RELT: variants seen among roughly 807,000 people sequenced by gnomAD.
The protein encoded by RELT is tumor necrosis factor receptor superfamily member 19L.
Under a neutral mutation model 51.1 loss-of-function variants are expected in RELT, and 37 were observed. The observed-to-expected ratio is 0.72, with a 90% CI of 0.56 to 0.95. The LOEUF (loss-of-function observed/expected upper bound fraction) is 0.95. Among genes scored for constraint, RELT ranks in the 40% least tolerant of loss-of-function variants. The probability of loss-of-function intolerance (pLI) is 0.00; values close to 1 mark genes in which losing one functional copy is unlikely to be tolerated. For missense variants in RELT, 535 were observed against 572.6 expected (o/e 0.93, Z 0.67); for synonymous variants, 241 against 235.7 (o/e 1.02, Z -0.21).
intron 1 of RELT, among the ~76,000 whole-genome samples, chr11:73,377,631 C>G (rs1187178135): frequency 1.3e-5 from 2 of 151,964 alleles, no homozygotes; most frequent in East Asian, 3.9e-4. Context: ...AAAGTTCTGC[C>G]CCTGTGTAAT....
At chr11:73,390,254 C>G (rs1866188867) in intron 2 of RELT, among the ~76,000 whole-genome samples, 1 of 152,150 alleles carries the variant, frequency 6.6e-6, no homozygotes, top group Admixed American at 6.5e-5. Context: ...CCTCATCGTT[C>G]TGGTTAGCTG....
In RELT at chr11:73,395,501, T is replaced by C. The variant is rs1156650972; in HGVS notation, c.*10T>C. On this transcript the variant is annotated 3_prime_UTR_variant, in exon 11 of 11. Coordinates refer to ENST00000064780, the MANE Select transcript of RELT (RefSeq NM_152222.2). ...CAACCTGGTCATCTGAGGGGCGGTC[T>C]AGTCTAAGGACACTGCGGCCCTGCC... 1.3e-6 allele frequency: 1 copy of C among 786,440 alleles called. No individual in the cohort carries two copies. Among genetic ancestry groups the C allele is most frequent in the Non-Finnish European group, 2.4e-6 (1 of 423,148 alleles). 48.7% of individuals were successfully genotyped at this position (786,440 alleles called of 1,614,324 possible). A position where few individuals can be genotyped will look rare whatever the true frequency, so the allele number is the denominator to read the frequency against.
intron 5 of RELT, 65 bp from the exon 6 acceptor site, chr11:73,392,146 G>A: frequency 1.9e-6 from 3 of 1,553,062 alleles, no homozygotes; most frequent in South Asian, 1.2e-5. Context: ...CGGGCCCTGG[G>A]CCCCTGTCTC....
In RELT at chr11:73,394,435, C is replaced by A; in HGVS notation, c.789-42C>A. 2 of 1,607,776 alleles carry A rather than the reference C, an allele frequency of 1.2e-6. No individual in the cohort carries two copies. The highest frequency in any genetic ancestry group is 1.7e-6 in the Non-Finnish European group (2 of 1,175,596). ...CTGTTCCCTGCTGGGGTCTCCTGCC[C>A]CTGGCCTGGCCTATGGCCACTTCTG... On this transcript the variant is annotated intron_variant, in intron 8 of 10. Transcript: ENST00000064780. The surrounding 1 kb of genome is among the most constrained non-coding windows in gnomAD (Gnocchi z 4.9).
intron 1 of RELT, among the ~76,000 whole-genome samples, chr11:73,385,544 G>A (rs757761713): frequency 6.6e-6 from 1 of 152,196 alleles, no homozygotes; most frequent in East Asian, 1.9e-4. Context: ...CTTCAGACAT[G>A]GGGCTGGGTG....
intron 1 of RELT, among the ~76,000 whole-genome samples, chr11:73,379,855 C>T (rs1038645024): frequency 3.3e-5 from 5 of 152,230 alleles, no homozygotes; most frequent in South Asian, 2.1e-4. Context: ...GTTCAAACTC[C>T]TCACCTGGCA....
chr11:73,386,090 C>T (rs1169253055), intron 1 of RELT, among the ~76,000 whole-genome samples: 3 of 152,332 alleles, frequency 2.0e-5, no homozygotes, highest in East Asian at 3.9e-4. Flanking sequence ...ATGAACGTCC[C>T]CATCTCTGTA....
rs1321085029 is a variant in RELT, at chr11:73,392,389, G to A, written c.546G>A (p.Val182=). The A allele has an allele frequency of 6.2e-7, 1 of 1,613,820 alleles. No homozygotes were observed. Among genetic ancestry groups the A allele is most frequent in the Admixed American group, 1.7e-5 (1 of 60,024 alleles). ...TCATGGGGCTGTTGGGCATCCTGGT[G>A]TGCAACCTCCTCAAGCGGAAGGGCT... ...FCLMGLLGIL[V]CNLLKRKGYH... Residue 182 remains valine, a synonymous_variant, in exon 6 of 11, where the codon GTG becomes GTA. Coordinates refer to ENST00000064780, the MANE Select transcript of RELT (RefSeq NM_152222.2).
chr11:73,386,355 A>G (rs2134444914), intron 1 of RELT, among the ~76,000 whole-genome samples: 1 of 152,354 alleles, frequency 6.6e-6, no homozygotes, highest in South Asian at 2.1e-4. Context: ...ACCTTCAGAT[A>G]TCCCCTCCCA....
intron 6 of RELT, chr11:73,393,567 C>A: frequency 7.0e-7 from 1 of 1,423,966 alleles, no homozygotes; most frequent in Non-Finnish European, 9.3e-7. Context: ...CTCGCCCGCC[C>A]AATTCAATGA....
chr11:73,382,415 G>T (rs1866064190), intron 1 of RELT, among the ~76,000 whole-genome samples: 1 of 152,236 alleles, frequency 6.6e-6, no homozygotes, highest in Non-Finnish European at 1.5e-5. Flanking sequence ...GGTGGCAAAG[G>T]TGGCTTCTTG....
chr11:73,384,255 A>C (rs1180825544), intron 1 of RELT: 1 of 152,344 alleles, frequency 6.6e-6, no homozygotes, highest in Non-Finnish European at 1.5e-5. Flanking sequence ...TTTGGCAGGC[A>C]GCTGAGCCTT....
At chr11:73,383,021 C>T (rs777785024) in intron 1 of RELT, among the ~76,000 whole-genome samples, 1 of 152,230 alleles carries the variant, frequency 6.6e-6, no homozygotes, top group Admixed American at 6.5e-5. Context: ...CACTGAAACC[C>T]AGGCCTGGTG....
intron 1 of RELT, among the ~76,000 whole-genome samples, chr11:73,385,483 T>C (rs1866109636): frequency 6.6e-6 from 1 of 152,120 alleles, no homozygotes; most frequent in South Asian, 2.1e-4. Context: ...TTTGGAGAGC[T>C]GAGTCTGAGG....
In RELT at chr11:73,396,921, A is replaced by C. The variant is rs778351968; in HGVS notation, c.*1430A>C. 9.2e-5 allele frequency: 14 copies of C among 152,168 alleles called. No homozygotes were observed. The highest frequency in any genetic ancestry group is 1.2e-4 in the African/African-American group (5 of 41,456). The allele number at this position is 152,168 out of a possible 1,614,324, so 9.4% of individuals were successfully genotyped here. ...CAGTCACATTTCAAAAAGTAAAAAG[A>C]AGCAGGTGAACTTAATTTTTTTTTA... On this transcript the variant is annotated 3_prime_UTR_variant, in exon 11 of 11. Transcript: ENST00000064780.
At chr11:73,392,704 G>C (rs1007784068) in intron 6 of RELT, 2 of 1,420,338 alleles carry the variant, frequency 1.4e-6, no homozygotes, top group African/African-American at 1.4e-5. Context: ...ATCCTACCCT[G>C]GGTGAAGCCT....
rs760153808 is a variant in RELT, at chr11:73,390,898, A to G, written c.264A>G (p.Thr88=). 1 of 1,612,882 alleles carries G rather than the reference A, an allele frequency of 6.2e-7. No individual in the cohort carries two copies. Among genetic ancestry groups the G allele is most frequent in the South Asian group, 1.1e-5 (1 of 91,000 alleles). Residue 88 remains threonine, a synonymous_variant, in exon 4 of 11, where the codon ACA becomes ACG. Transcript: ENST00000064780. ...EAQVGMATRD[T]LCGDCWPGWF... ...AGGTGGGCATGGCAACTCGAGATAC[A>G]CTCTGTGGAGACTGCTGGCCTGGGT...
intron 1 of RELT, among the ~76,000 whole-genome samples, chr11:73,385,411 C>G (rs980264286): frequency 6.6e-6 from 1 of 152,132 alleles, no homozygotes; most frequent in Admixed American, 6.5e-5. Context: ...GGGGTCTGGC[C>G]GTGGCCTTTG....
At chr11:73,392,613 A>G in intron 6 of RELT, 145 bp downstream of exon 6, 2 of 1,399,446 alleles carry the variant, frequency 1.4e-6, no homozygotes, top group Non-Finnish European at 1.9e-6. Flanking sequence ...GACTGACAAC[A>G]TGGGAGGAAA....
Sources: gnomAD v4.1 joint callset for allele counts (sites outside exome capture counted in the v4.1 genomes callset) on GRCh38, gnomAD v4.1.1 for gene constraint, Gnocchi (gnomAD v3.1) non-coding constraint, MANE v1.5 for transcripts, NCBI Gene and HGNC (gene_info 2026-07-23, HGNC 2026-07-21) for gene names.